The following SPP1 variants were observed in gnomAD, a reference collection of about 807,000 sequenced individuals.
SPP1 encodes the protein secreted phosphoprotein 1, also known as osteopontin.
In SPP1, 18 loss-of-function variants were observed where a neutral mutation model predicts 20.8. The observed-to-expected ratio is 0.87, with a 90% CI of 0.60 to 1.29. The LOEUF (loss-of-function observed/expected upper bound fraction) is 1.29, where lower values mean the gene tolerates loss of function less well. Among genes scored for constraint, SPP1 ranks in the 50% most tolerant of loss-of-function variants. The pLI is 0.00. For missense variants in SPP1, 363 were observed against 389.0 expected (o/e 0.93, Z 0.56); for synonymous variants, 146 against 141.5 (o/e 1.03, Z -0.23).
At chr4:87,980,697 A>G in intron 5 of SPP1, 1 of 482,556 alleles carries the variant, frequency 2.1e-6, no homozygotes, top group Non-Finnish European at 3.6e-6. Flanking sequence ...GGTATTTTGT[A>G]GATATCTAAT....
At chr4:87,982,345 A>G (rs1725682424) in intron 6 of SPP1, 147 bp from the exon 7 acceptor site, 7 of 924,656 alleles carry the variant, frequency 7.6e-6, no homozygotes, top group African/African-American at 1.7e-5. Flanking sequence ...GTAAAGTACT[A>G]TACAAAGTAA....
Position 87,977,049 on chromosome 4 carries a change from T to C in SPP1, c.55-10T>C. ...TCTTGTAATCTTTCTTCATCTTTTC[T>C]GTTTCTAAGGTTAAACAGGCTGATT... On this transcript the variant is annotated splice_polypyrimidine_tract_variant and intron_variant, in intron 2 of 6. Coordinates refer to ENST00000395080, the MANE Select transcript of SPP1 (RefSeq NM_001040058.2). 1 of 1,614,110 alleles carries C rather than the reference T, an allele frequency of 6.2e-7. No individual in the cohort carries two copies.
rs35382133 is a variant in SPP1, at chr4:87,981,699, T to C, written c.441T>C (p.Thr147=). 0.021 allele frequency: 33,916 copies of C among 1,614,124 alleles called. 469 individuals carry two copies. The highest frequency in any genetic ancestry group is 0.045 in the South Asian group (4,118 of 91,084). ...ACCTGCCAGCAACCGAAGTTTTCAC[T>C]CCAGTTGTCCCCACAGTAGACACAT... ...PTDLPATEVF[T]PVVPTVDTYD... is the part of the protein sequence containing the mutation. Residue 147 remains threonine (T), a synonymous_variant, in exon 6 of 7, where the codon ACT becomes ACC. Coordinates refer to ENST00000395080, the MANE Select transcript of SPP1 (RefSeq NM_001040058.2).
At position 87,981,730 on chromosome 4, in the gene SPP1, G is replaced by A; in HGVS notation, c.472G>A (p.Gly158Ser). The A allele has an allele frequency of 6.2e-7, 1 of 1,614,202 alleles. No homozygotes were observed. The highest frequency in any genetic ancestry group is 1.1e-5 in the South Asian group (1 of 91,086). Residue 158 changes from glycine (G) to serine (S), a missense_variant, in exon 6 of 7, where the codon GGC (glycine) becomes AGC (serine). Coordinates refer to ENST00000395080, the MANE Select transcript of SPP1 (RefSeq NM_001040058.2). ...PVVPTVDTYD[G>S]RGDSVVYGLR... ...TGTCCCCACAGTAGACACATATGATGGCCGAGGTGATAGTGTGGTTTATGG... is the reference window on the plus strand; with the variant it reads ...TGTCCCCACAGTAGACACATATGATAGCCGAGGTGATAGTGTGGTTTATGG...
chr4:87,981,396 G>A, intron 5 of SPP1, 79 bp from the exon 6 acceptor site: 2 of 1,289,376 alleles, frequency 1.6e-6, no homozygotes, highest in East Asian at 2.3e-5. Flanking sequence ...AAGAAAGATA[G>A]TAAAAGACTA....
intron 3 of SPP1, among the ~76,000 whole-genome samples, chr4:87,977,451 T>C (rs1381481087): frequency 2.0e-5 from 3 of 152,254 alleles, no homozygotes; most frequent in Non-Finnish European, 4.4e-5. Context: ...AGTGGATTGC[T>C]AAGTTTAAAA....
At position 87,982,816 on chromosome 4, in the gene SPP1, CCCAAAAGTA is replaced by C; in HGVS notation, c.866_874del (p.Pro289_Lys292delinsGln). ...CCATGAAGATATGCTGGTTGTAGAC[CCCAAAAGTA>C]AGGAAGAAGATAAACACCTGAAATT... On this transcript the variant is annotated inframe_deletion, in exon 7 of 7. Transcript: ENST00000395080. The C allele has an allele frequency of 6.2e-7, 1 of 1,614,036 alleles. No homozygotes were observed. The highest frequency in any genetic ancestry group is 8.5e-7 in the Non-Finnish European group (1 of 1,179,988).
At position 87,981,764 on chromosome 4, in the gene SPP1, C is replaced by A; in HGVS notation, c.506C>A (p.Ser169Ter). Reference protein sequence around the residue: ...RGDSVVYGLRSKSKKFRRPDI... With the variant: ...RGDSVVYGLR Reference sequence around the variant, plus strand: ...GATAGTGTGGTTTATGGACTGAGGTCAAAATCTAAGAAGTTTCGCAGACCT... The same window carrying A: ...GATAGTGTGGTTTATGGACTGAGGTAAAAATCTAAGAAGTTTCGCAGACCT... The change falls in exon 6 of 7, where the codon TCA becomes TAA. Residue 169 changes from serine to a stop codon, truncating the protein, a stop_gained. Transcript: ENST00000395080. LOFTEE classifies it low-confidence loss of function (END_TRUNC). 2 of 1,614,012 alleles carry A rather than the reference C, an allele frequency of 1.2e-6. No individual in the cohort carries two copies. Among genetic ancestry groups the A allele is most frequent in the South Asian group, 1.1e-5 (1 of 91,050 alleles).
chr4:87,976,146 C>A (rs754039770), intron 1 of SPP1, among the ~76,000 whole-genome samples: 8 of 144,096 alleles, frequency 5.6e-5, no homozygotes, highest in African/African-American at 8.9e-5. Context: ...GAAAAGGGAT[C>A]TTTTATGCTA....
At chr4:87,976,626 T>C (rs773387776) in intron 1 of SPP1, among the ~76,000 whole-genome samples, 1 of 152,196 alleles carries the variant, frequency 6.6e-6, no homozygotes, top group Non-Finnish European at 1.5e-5. Context: ...GAACTCTAAA[T>C]TTTAAAGTTG....
intron 3 of SPP1, chr4:87,977,814 A>G: frequency 7.8e-7 from 1 of 1,281,040 alleles, no homozygotes; most frequent in Non-Finnish European, 1.0e-6. Context: ...CTTGGGGGTC[A>G]CTGCAATTAG....
At chr4:87,978,667 C>T (rs187005766) in intron 3 of SPP1, among the ~76,000 whole-genome samples, 1 of 152,136 alleles carries the variant, frequency 6.6e-6, no homozygotes, top group Non-Finnish European at 1.5e-5. Flanking sequence ...CAGGCGTGAG[C>T]CACTGCGCCC....
rs762362675 is a variant in SPP1 at position 87,983,369 on chromosome 4, G to A, written c.*473G>A. 3.2e-4 allele frequency: 49 copies of A among 154,800 alleles called. No individual in the cohort carries two copies. The highest frequency in any genetic ancestry group is 6.0e-4 in the South Asian group (3 of 4,984). 9.6% of individuals were successfully genotyped at this position (154,800 alleles called of 1,614,324 possible). Reference sequence around the variant, plus strand: ...GTCAATTGCTTATTTGTTTTCCCACGGTTGTCCAGCAATTAATAAAACATA... The same window carrying A: ...GTCAATTGCTTATTTGTTTTCCCACAGTTGTCCAGCAATTAATAAAACATA... On this transcript the variant is annotated 3_prime_UTR_variant, in exon 7 of 7. Transcript: ENST00000395080.
intron 3 of SPP1, among the ~76,000 whole-genome samples, chr4:87,977,480 C>G (rs912681579): frequency 6.6e-6 from 1 of 152,082 alleles, no homozygotes; most frequent in Non-Finnish European, 1.5e-5. Flanking sequence ...GGATATTAGT[C>G]AGAACTGTTT....
chr4:87,980,352 G>C, intron 4 of SPP1, 41 bp from the exon 5 acceptor site: 1 of 1,607,590 alleles, frequency 6.2e-7, no homozygotes, highest in Non-Finnish European at 8.5e-7. Context: ...AAAAAGCTAG[G>C]CATGTGTGAT....
In SPP1 at chr4:87,982,788, C is replaced by T; in HGVS notation, c.837C>T (p.His279=). The T allele has an allele frequency of 1.2e-6, 2 of 1,614,172 alleles. No individual in the cohort carries two copies. Among genetic ancestry groups the T allele is most frequent in the South Asian group, 1.1e-5 (1 of 91,078 alleles). ...VSREFHSHEF[H]SHEDMLVVDP... is the part of the protein sequence containing the mutation. The stretch of plus-strand genomic sequence containing the variant: ...GTGAATTCCACAGCCATGAATTTCA[C>T]AGCCATGAAGATATGCTGGTTGTAG... The change falls in exon 7 of 7, where the codon CAC becomes CAT. Residue 279 remains histidine, a synonymous_variant. Coordinates refer to ENST00000395080, the MANE Select transcript of SPP1 (RefSeq NM_001040058.2).
At chr4:87,977,969 G>C in intron 3 of SPP1, 1 of 614,132 alleles carries the variant, frequency 1.6e-6, no homozygotes, top group Non-Finnish European at 2.1e-6. Context: ...AGAGAAGATA[G>C]AGGTCATACT....
intron 3 of SPP1, chr4:87,977,604 C>T: frequency 9.6e-7 from 1 of 1,045,076 alleles, no homozygotes. Context: ...GATGTTAGAT[C>T]ACATTTTCTA....
chr4:87,980,544 G>A, intron 5 of SPP1, 110 bp downstream of exon 5: 5 of 1,195,532 alleles, frequency 4.2e-6, no homozygotes, highest in Non-Finnish European at 5.9e-6. Flanking sequence ...CCAGCTAATT[G>A]GCAGTCTAAA....
Sources: allele counts gnomAD v4.1 joint callset (sites outside exome capture counted in the v4.1 genomes callset), GRCh38; gene constraint gnomAD v4.1.1; transcripts MANE v1.5; gene names NCBI Gene and HGNC (gene_info 2026-07-23, HGNC 2026-07-21).